Variants in ZC3H12B observed in about 807,000 individuals in gnomAD.
The protein encoded by ZC3H12B is zinc finger CCCH-type containing 12B.
ZC3H12B carries 7 observed loss-of-function variants against 43.9 expected under a neutral mutation model. The ratio of observed to expected loss-of-function variants is 0.16; its 90% confidence interval spans 0.09 to 0.30. The LOEUF (loss-of-function observed/expected upper bound fraction) is 0.30. Among genes scored for constraint, ZC3H12B ranks in the 10% least tolerant of loss-of-function variants. ZC3H12B has a pLI of 1.00. For missense variants in ZC3H12B, 475 were observed against 670.2 expected (o/e 0.71, Z 3.22); for synonymous variants, 222 against 241.7 (o/e 0.92, Z 0.76).
the ZC3H12B span, among the ~76,000 whole-genome samples, chrX:65,060,661 C>CT: frequency 2.7e-5 from 3 of 111,621 alleles, no homozygotes; most frequent in African/African-American, 6.5e-5. Flanking sequence ...CTGTAGTTTT[C>CT]TTTTTTTGAT....
intron 3 of ZC3H12B, among the ~76,000 whole-genome samples, chrX:65,430,654 C>G (rs1342659080): frequency 1.8e-5 from 2 of 109,422 alleles, no homozygotes; most frequent in African/African-American, 6.7e-5. Context: ...TCATCCATGT[C>G]CCTACAAAGG....
At chrX:65,270,794 A>G in the ZC3H12B span, 1 of 111,797 alleles carries the variant, frequency 8.9e-6, no homozygotes, top group African/African-American at 3.3e-5. Context: ...ATAGAATTAT[A>G]CCACTATTTT....
At chrX:65,228,733 C>A in the ZC3H12B span, among the ~76,000 whole-genome samples, 1 of 111,798 alleles carries the variant, frequency 8.9e-6, no homozygotes, top group African/African-American at 3.3e-5. Context: ...TTCTTATACA[C>A]CAATAACAGA....
the ZC3H12B span, among the ~76,000 whole-genome samples, chrX:65,249,460 G>A: frequency 3.6e-5 from 4 of 111,904 alleles, no homozygotes; most frequent in East Asian, 8.3e-4. Context: ...GGTGACTATG[G>A]CCTTATAGTA....
chrX:65,099,533 A>G, the ZC3H12B span, among the ~76,000 whole-genome samples: 1 of 111,873 alleles, frequency 8.9e-6, no homozygotes, highest in Non-Finnish European at 1.9e-5. Flanking sequence ...AGGAAGGAGT[A>G]GGCAGCAGTC....
chrX:65,493,406 G>T (rs551265543), intron 1 of ZC3H12B, among the ~76,000 whole-genome samples: 2 of 111,385 alleles, frequency 1.8e-5, no homozygotes, highest in East Asian at 2.8e-4. Flanking sequence ...AAAAATTTAT[G>T]ATGCTTCGTT....
chrX:65,463,577 C>T (rs771959966), intron 3 of ZC3H12B, among the ~76,000 whole-genome samples: 1 of 111,276 alleles, frequency 9.0e-6, no homozygotes, highest in African/African-American at 3.3e-5. Flanking sequence ...GCACTCTTTC[C>T]GGAGTTTATA....
the ZC3H12B span, among the ~76,000 whole-genome samples, chrX:65,346,384 C>A: frequency 9.0e-6 from 1 of 111,287 alleles, no homozygotes; most frequent in East Asian, 2.8e-4. Flanking sequence ...GGAAAGGAAT[C>A]CTATTCAATA....
At chrX:65,498,883 C>G in intron 2 of ZC3H12B, 116 bp from the exon 8 acceptor site, 2 of 575,207 alleles carry the variant, frequency 3.5e-6, no homozygotes, top group Non-Finnish European at 2.8e-6. Context: ...TACTTTCCCT[C>G]TAAGAGCAAA....
At chrX:65,251,925 AT>A in the ZC3H12B span, among the ~76,000 whole-genome samples, 9 of 111,181 alleles carry the variant, frequency 8.1e-5, no homozygotes, top group Admixed American at 8.6e-4. Flanking sequence ...AATACCCTTT[AT>A]TACTTTCTCC....
At chrX:65,306,671 C>T in the ZC3H12B span, among the ~76,000 whole-genome samples, 5 of 111,531 alleles carry the variant, frequency 4.5e-5, no homozygotes, top group Non-Finnish European at 7.5e-5. Flanking sequence ...CACTGCGCCC[C>T]GCTCAATCTT....
chrX:65,365,267 A>G (rs1450594055), upstream of ZC3H12B, among the ~76,000 whole-genome samples: 2 of 111,177 alleles, frequency 1.8e-5, no homozygotes, highest in Admixed American at 9.5e-5. Context: ...CAACCAAGCA[A>G]GTAATTACAC....
chrX:65,413,133 A>T lies in ZC3H12B; in HGVS notation n.407+14429A>T, dbSNP rs58381261. Among the ~76,000 whole-genome samples the T allele has an allele frequency of 8.0e-3, 884 of 110,717 alleles. 7 individuals carry two copies. Among genetic ancestry groups the T allele is most frequent in the East Asian group, 0.03 (105 of 3,533 alleles). ...TTCAAATCCTTTCCCCATTTTTTTT[A>T]AAAAATCGGGCTGTTTGTCCTTTTG... On this transcript the variant is annotated intron_variant and non_coding_transcript_variant, in intron 3 of 5. Transcript: ENST00000617377.
chrX:65,242,303 C>A, the ZC3H12B span, among the ~76,000 whole-genome samples: 13 of 111,815 alleles, frequency 1.2e-4, no homozygotes, highest in African/African-American at 3.9e-4. Flanking sequence ...TTCTAATTTG[C>A]CATTTTGGCT....
At chrX:65,293,575 G>A in the ZC3H12B span, among the ~76,000 whole-genome samples, 1 of 108,748 alleles carries the variant, frequency 9.2e-6, no homozygotes, top group Non-Finnish European at 1.9e-5. Context: ...ACCAGAGAAA[G>A]GTGAATACCA....
the ZC3H12B span, among the ~76,000 whole-genome samples, chrX:65,169,274 C>T: frequency 8.9e-6 from 1 of 111,886 alleles, no homozygotes; most frequent in African/African-American, 3.2e-5. Context: ...TTTATTTCTG[C>T]CTTCATTTGA....
exon 5 of ZC3H12B, chrX:65,507,313 C>T (rs947079663): frequency 8.9e-6 from 1 of 112,411 alleles, no homozygotes; most frequent in Non-Finnish European, 1.9e-5. Flanking sequence ...CTGCCTTCCC[C>T]TAGTTTGCTT....
the ZC3H12B span, among the ~76,000 whole-genome samples, chrX:65,111,687 A>G: frequency 9.1e-6 from 1 of 110,079 alleles, no homozygotes; most frequent in African/African-American, 3.3e-5. Context: ...TTGTCATTAT[A>G]TCTATTATGG....
chrX:65,422,041 G>A (rs1052378368), intron 3 of ZC3H12B, among the ~76,000 whole-genome samples: 2 of 111,679 alleles, frequency 1.8e-5, no homozygotes, highest in Non-Finnish European at 3.8e-5. Flanking sequence ...CAGCTAGTTT[G>A]ATAGCATGGT....
Sources: gnomAD v4.1 joint callset for allele counts (sites outside exome capture counted in the v4.1 genomes callset) on GRCh38, gnomAD v4.1.1 for gene constraint, MANE v1.5 for transcripts, NCBI Gene and HGNC (gene_info 2026-07-23, HGNC 2026-07-21) for gene names.